The following RECQL4 variants were observed in gnomAD, a reference collection of about 807,000 sequenced individuals.
RECQL4 encodes the protein RecQ like helicase 4, also known as ATP-dependent DNA helicase Q4.
RECQL4 carries 158 observed loss-of-function variants against 128.6 expected under a neutral mutation model. The ratio of observed to expected loss-of-function variants is 1.23; its 90% confidence interval spans 1.08 to 1.40. The LOEUF (loss-of-function observed/expected upper bound fraction) is 1.40. Ranked by LOEUF, RECQL4 falls within the 40% of genes most tolerant of loss-of-function variation. RECQL4 has a pLI of 0.00. For synonymous variants in RECQL4, 996 were observed against 678.9 expected, an observed-to-expected ratio of 1.47 and a Z score of -7.26; for missense variants, 2,293 against 1,649.8, an observed-to-expected ratio of 1.39 and a Z score of -6.75.
Position 144,512,830 on chromosome 8 carries a change from T to C in RECQL4, c.2755+17A>G, listed in dbSNP as rs1269526311. The C allele has an allele frequency of 1.2e-6, 2 of 1,607,870 alleles. No individual in the cohort carries two copies. The highest frequency in any genetic ancestry group is 1.3e-5 in the African/African-American group (1 of 74,992). On this transcript the variant is annotated intron_variant, in intron 15 of 20. Coordinates refer to ENST00000617875, the MANE Select transcript of RECQL4 (RefSeq NM_004260.4). The stretch of plus-strand genomic sequence containing the variant: ...ACAGCCCCTCCACACCCCTGTGGCT[T>C]ACCCCAGGTTCCTCACCCTCCTCCG...
In RECQL4 at chr8:144,511,670, C is replaced by T; in HGVS notation, c.3502+11G>A. On this transcript the variant is annotated intron_variant, in intron 20 of 20. Coordinates refer to ENST00000617875, the MANE Select transcript of RECQL4 (RefSeq NM_004260.4). ...CCCAGCCTGCAGCGGGTGGGGCCTC[C>T]CAGGCCTCACCGATGCCGTGGAAGA... 6.2e-7 allele frequency: 1 copy of T among 1,611,746 alleles called. No individual in the cohort carries two copies. The highest frequency in any genetic ancestry group is 1.7e-5 in the Admixed American group (1 of 60,022).
In RECQL4 at chr8:144,512,688, G is replaced by C. The variant is rs1327327028; in HGVS notation, c.2839C>G (p.Leu947Val). Residue 947 changes from leucine to valine, a missense_variant, in exon 16 of 21, where the codon CTG becomes GTG. Leu to Val is a conservative substitution (Grantham distance 32). Transcript: ENST00000617875. ...TGGGCAGGGCCCCCAGGGCAGTTCA[G>C]ACGGCAATGGGTATAGGTGGTCGCC... The part of the protein sequence containing the change: ...LLATTYTHCR[L>V]NCPGGPAQLQ... 3 of 1,612,434 alleles carry C rather than the reference G, an allele frequency of 1.9e-6. No homozygotes were observed. Among genetic ancestry groups the C allele is most frequent in the Non-Finnish European group, 2.5e-6 (3 of 1,179,830 alleles).
chr8:144,517,450 G>C lies in RECQL4; in HGVS notation c.177C>G (p.Leu59=), dbSNP rs764832986. 6.3e-7 allele frequency: 1 copy of C among 1,593,184 alleles called. No individual in the cohort carries two copies. The highest frequency in any genetic ancestry group is 1.7e-5 in the Admixed American group (1 of 58,596). The part of the protein sequence containing the change: ...KRTTGQAGGG[L]RSSESLPAAA... Reference sequence around the variant, plus strand: ...CCGCGGGGAGCGACTCGGAGCTGCGGAGCCCGCCGCCGGCCTGGCCCGTGG... The same window carrying C: ...CCGCGGGGAGCGACTCGGAGCTGCGCAGCCCGCCGCCGGCCTGGCCCGTGG... Residue 59 remains leucine (L), a synonymous_variant, in exon 3 of 21, where the codon CTC becomes CTG. Coordinates refer to ENST00000617875, the MANE Select transcript of RECQL4 (RefSeq NM_004260.4).
rs910516641 is a variant in RECQL4, at chr8:144,511,333, C to A, written c.*98G>T. The A allele has an allele frequency of 1.5e-5, 24 of 1,571,832 alleles. No homozygotes were observed. In the African/African-American group the frequency reaches 3.1e-4, roughly 20 times the overall value. ...TTTATTCTGCATTTTGGAGCCTCCT[C>A]GTTCCCACACCCTGTGGCAGGTTTT... is the stretch of plus-strand genomic sequence containing the variant. On this transcript the variant is annotated 3_prime_UTR_variant, in exon 21 of 21. Coordinates refer to ENST00000617875, the MANE Select transcript of RECQL4 (RefSeq NM_004260.4).
rs376829470 is a variant in RECQL4 at position 144,515,470 on chromosome 8, G to C, written c.1259-13C>G. 1 of 1,612,430 alleles carries C rather than the reference G, an allele frequency of 6.2e-7. No individual in the cohort carries two copies. Among genetic ancestry groups the C allele is most frequent in the Non-Finnish European group, 8.5e-7 (1 of 1,179,812 alleles). On this transcript the variant is annotated splice_polypyrimidine_tract_variant and intron_variant, in intron 6 of 20. Coordinates refer to ENST00000617875, the MANE Select transcript of RECQL4 (RefSeq NM_004260.4). ...TCTTCCTCACTTGCTGGGGCAGGCA[G>C]GAGAGGGTAGAATGGGAGCTCCAGG...
rs1394392784 is a variant in RECQL4 at position 144,511,689 on chromosome 8, TG to T, written c.3493del (p.His1165ThrfsTer26). The T allele has an allele frequency of 6.2e-7, 1 of 1,612,338 alleles. No individual in the cohort carries two copies. Among genetic ancestry groups the T allele is most frequent in the Non-Finnish European group, 8.5e-7 (1 of 1,179,716 alleles). On this transcript the variant is annotated frameshift_variant, in exon 20 of 21. Transcript: ENST00000617875. LOFTEE classifies it low-confidence loss of function (END_TRUNC). ...GGCCTCCCAGGCCTCACCGATGCCG[TG>T]GAAGATGCGGGCCACAGCCCTGCTG... ...FSSRAVARIF[H>X]GIGSPCYPAQ...
At position 144,513,284 on chromosome 8, in the gene RECQL4, C is replaced by T. The variant is rs1586802025; in HGVS notation, c.2397G>A (p.Val799=). Residue 799 remains valine (V), a synonymous_variant, in exon 14 of 21, where the codon GTG becomes GTA. Coordinates refer to ENST00000617875, the MANE Select transcript of RECQL4 (RefSeq NM_004260.4). ...CACGCCCGGCCCGGCCCACGGCCTG[C>T]ACGTAGCTCTCGAAGCTTGGGGGCA... ...LGLPPSFESY[V]QAVGRAGRDG... is the part of the protein sequence containing the mutation. The T allele has an allele frequency of 2.5e-6, 4 of 1,598,742 alleles. No individual in the cohort carries two copies. The highest frequency in any genetic ancestry group is 3.4e-6 in the Non-Finnish European group (4 of 1,179,000).
In RECQL4 at chr8:144,516,945, G is replaced by C. The variant is rs1815181408; in HGVS notation, c.354+105C>G. 12 of 1,487,222 alleles carry C rather than the reference G, an allele frequency of 8.1e-6. No homozygotes were observed. In the Admixed American group the frequency reaches 2.5e-4, roughly 31 times the overall value. 92.1% of individuals were successfully genotyped at this position (1,487,222 alleles called of 1,614,324 possible). A position where few individuals can be genotyped will look rare whatever the true frequency, so the allele number is the denominator to read the frequency against. Reference sequence around the variant, plus strand: ...TCCCTGAAGACTCGTGCCCTGGTTGGCACAGGGGCCCGTGCCTGTCTGTGT... The same window carrying C: ...TCCCTGAAGACTCGTGCCCTGGTTGCCACAGGGGCCCGTGCCTGTCTGTGT... On this transcript the variant is annotated intron_variant, in intron 4 of 20. Transcript: ENST00000617875.
Position 144,516,752 on chromosome 8 carries a change from G to C in RECQL4, c.367C>G (p.Leu123Val), listed in dbSNP as rs1347447166. The change falls in exon 5 of 21, where the codon CTG (leucine) becomes GTG (valine). Residue 123 changes from leucine (L) to valine (V), a missense_variant. By Grantham distance (32) the Leu-to-Val change is conservative. Coordinates refer to ENST00000617875, the MANE Select transcript of RECQL4 (RefSeq NM_004260.4). ...CCTAGAGGCCACGGTCTGCGGCCCAGGGCTGGTCCGGCCTGGGAGGGGAAC... is the reference window on the plus strand; with the variant it reads ...CCTAGAGGCCACGGTCTGCGGCCCACGGCTGGTCCGGCCTGGGAGGGGAAC... Reference protein sequence around the residue: ...LKGTLQAGPALGRRPWPLGRA... With the variant: ...LKGTLQAGPAVGRRPWPLGRA... The C allele has an allele frequency of 1.3e-6, 2 of 1,522,922 alleles. No homozygotes were observed. The highest frequency in any genetic ancestry group is 1.8e-6 in the Non-Finnish European group (2 of 1,139,506). The allele number at this position is 1,522,922 out of a possible 1,614,324, so 94.3% of individuals were successfully genotyped here.
rs762113412 is a variant in RECQL4, at chr8:144,515,009, G to A, written c.1547C>T (p.Ala516Val). 9 of 1,610,938 alleles carry A rather than the reference G, an allele frequency of 5.6e-6. No homozygotes were observed. The highest frequency in any genetic ancestry group is 2.2e-5 in the East Asian group (1 of 44,816). Residue 516 changes from alanine to valine, a missense_variant, in exon 9 of 21, where the codon GCG becomes GTG. Ala to Val is a moderately conservative substitution (Grantham distance 64). Transcript: ENST00000617875. ...GGGGCTGCGCCGGCTGTAGAGCAGC[G>A]CTGGGAGCTGGTAGCACAGGGACTT... is the stretch of plus-strand genomic sequence containing the variant. The part of the protein sequence containing the change: ...AGKSLCYQLP[A>V]LLYSRRSPCL...
rs1827528448 is a variant in RECQL4, at chr8:144,512,924, G to A, written c.2678C>T (p.Pro893Leu). The stretch of plus-strand genomic sequence containing the variant: ...CTCATGGCCCATGCAGACCCTTCTG[G>A]GTCCTGGGGCTGCTTGGTGGCTAAG... ...EQLSHQAAPG[P>L]RRVCMGHERA... The change falls in exon 15 of 21, where the codon CCC (proline) becomes CTC (leucine). Residue 893 changes from proline to leucine, a missense_variant. Transcript: ENST00000617875. 1 of 1,581,856 alleles carries A rather than the reference G, an allele frequency of 6.3e-7. No homozygotes were observed. Among genetic ancestry groups the A allele is most frequent in the Non-Finnish European group, 8.6e-7 (1 of 1,164,294 alleles).
Position 144,511,679 on chromosome 8 carries a change from A to T in RECQL4, c.3502+2T>A. 3.7e-6 allele frequency: 6 copies of T among 1,612,194 alleles called. No homozygotes were observed. The highest frequency in any genetic ancestry group is 4.2e-6 in the Non-Finnish European group (5 of 1,179,624). On this transcript the variant is annotated splice_donor_variant, in intron 20 of 20. Transcript: ENST00000617875. LOFTEE classifies it high-confidence loss of function. ...CAGCGGGTGGGGCCTCCCAGGCCTC[A>T]CCGATGCCGTGGAAGATGCGGGCCA... is the stretch of plus-strand genomic sequence containing the variant.
chr8:144,513,487 G>A lies in RECQL4; in HGVS notation c.2201-7C>T, dbSNP rs751734833. ...GTGGTTTTGGGGGCACGACCTTTGG[G>A]GAAGACAGGCAGATGGTCAGTGGGA... On this transcript the variant is annotated splice_polypyrimidine_tract_variant and splice_region_variant and intron_variant, in intron 13 of 20. Coordinates refer to ENST00000617875, the MANE Select transcript of RECQL4 (RefSeq NM_004260.4). The A allele has an allele frequency of 3.7e-6, 6 of 1,610,054 alleles. No individual in the cohort carries two copies. Among genetic ancestry groups the A allele is most frequent in the Non-Finnish European group, 4.2e-6 (5 of 1,179,768 alleles).
intron 4 of RECQL4, 100 bp from the exon 5 acceptor site, chr8:144,516,864 C>G: frequency 2.2e-6 from 3 of 1,384,308 alleles, no homozygotes; most frequent in Non-Finnish European, 2.9e-6. Context: ...GTAGAGCAGG[C>G]TAATTAGCAC....
rs565480833 is a variant in RECQL4 at position 144,514,137 on chromosome 8, C to T, written c.1879-30G>A. On this transcript the variant is annotated intron_variant, in intron 11 of 20. Transcript: ENST00000617875. Reference sequence around the variant, plus strand: ...ACCAGAGGCGGCAGTGGTGTGAGGCCGCCCAGCCCATCCCGGCCCTGGCCG... The same window carrying T: ...ACCAGAGGCGGCAGTGGTGTGAGGCTGCCCAGCCCATCCCGGCCCTGGCCG... 280 of 1,610,358 alleles carry T rather than the reference C, an allele frequency of 1.7e-4. 1 individual carries two copies. In the East Asian group the frequency reaches 4.8e-3, roughly 28 times the overall value.
Position 144,512,446 on chromosome 8 carries a change from C to T in RECQL4, c.3001G>A (p.Ala1001Thr), listed in dbSNP as rs2130662576. The part of the protein sequence containing the change: ...KLVDSMGWEL[A>T]SVRRALCQLQ... ...TGGCAGAGAGCCCGCCGCACAGAGG[C>T]CAGCTCCCAGCCCATGGAGTCCACC... The change falls in exon 17 of 21, where the codon GCC becomes ACC. Residue 1001 changes from alanine to threonine, a missense_variant. Transcript: ENST00000617875. 2.5e-6 allele frequency: 4 copies of T among 1,611,286 alleles called. No individual in the cohort carries two copies. The highest frequency in any genetic ancestry group is 2.5e-6 in the Non-Finnish European group (3 of 1,179,162).
chr8:144,515,608 C>T (rs1405802684), intron 6 of RECQL4, among the ~76,000 whole-genome samples, 151 bp from the exon 7 acceptor site: 1 of 152,206 alleles, frequency 6.6e-6, no homozygotes, highest in Non-Finnish European at 1.5e-5. Context: ...TGACAGCCAT[C>T]GTCGTCCCTG....
rs748083596 is a variant in RECQL4 at position 144,514,947 on chromosome 8, T to C, written c.1609A>G (p.Met537Val). 8.1e-6 allele frequency: 13 copies of C among 1,611,494 alleles called. No homozygotes were observed. The highest frequency in any genetic ancestry group is 3.3e-5 in the South Asian group (3 of 90,934). The change falls in exon 9 of 21, where the codon ATG becomes GTG. Residue 537 changes from methionine to valine, a missense_variant. By Grantham distance (21) the Met-to-Val change is conservative (BLOSUM62 1). Transcript: ENST00000617875. ...TLVVSPLLSL[M>V]DDQVSGLPPC... ...CCCTGTGTGCACACCTGGTCATCCA[T>C]GAGTGACAGCAGGGGAGAGACGACC...
rs35346077 is a variant in RECQL4, at chr8:144,511,740, G to A, written c.3443C>T (p.Ser1148Phe). 3,253 of 1,612,600 alleles carry A rather than the reference G, an allele frequency of 2.0e-3. 3 individuals carry two copies. The highest frequency in any genetic ancestry group is 2.5e-3 in the Non-Finnish European group (2,905 of 1,179,830). ...QVRCDIRQFL[S>F]LRPEEKFSSR... is the part of the protein sequence containing the mutation. ...GGAGAACTTCTCCTCTGGCCTCAGG[G>A]ACAGGAACTGGCGGATGTCGCAGCG... The change falls in exon 20 of 21, where the codon TCC becomes TTC. Residue 1148 changes from serine to phenylalanine, a missense_variant. Coordinates refer to ENST00000617875, the MANE Select transcript of RECQL4 (RefSeq NM_004260.4).
Sources: gnomAD v4.1 joint callset for allele counts (sites outside exome capture counted in the v4.1 genomes callset) on GRCh38, gnomAD v4.1.1 for gene constraint, MANE v1.5 for transcripts, NCBI Gene and HGNC (gene_info 2026-07-23, HGNC 2026-07-21) for gene names.